The following PID1 variants were observed in gnomAD, a reference collection of about 807,000 sequenced individuals.
PID1 encodes the protein phosphotyrosine interaction domain containing 1, also known as PTB-containing, cubilin and LRP1-interacting protein.
PID1 carries 10 observed loss-of-function variants against 19.1 expected under a neutral mutation model. The ratio of observed to expected loss-of-function variants is 0.52; its 90% CI spans 0.32 to 0.89. The LOEUF (loss-of-function observed/expected upper bound fraction) is 0.89, where lower values mean the gene tolerates loss of function less well. Ranked by LOEUF, PID1 falls within the 40% of genes least tolerant of loss-of-function variation. PID1 has a pLI of 0.03. For synonymous variants in PID1, 130 were observed against 116.0 expected (o/e 1.12, Z -0.78); for missense variants, 248 against 285.3 (o/e 0.87, Z 0.94).
chr2:229,027,809 G>A (rs1205206968), intron 2 of PID1, among the ~76,000 whole-genome samples: 3 of 152,320 alleles, frequency 2.0e-5, no homozygotes, highest in South Asian at 4.1e-4. Context: ...AGCAGAAGCC[G>A]TGTAAGAGGT....
intron 1 of PID1, among the ~76,000 whole-genome samples, chr2:229,224,029 T>A (rs774420651): frequency 6.6e-6 from 1 of 152,186 alleles, no homozygotes; most frequent in Non-Finnish European, 1.5e-5. Context: ...TGATAACATG[T>A]GGTATTTGAT....
chr2:229,225,342 C>T (rs1692055129), intron 1 of PID1, among the ~76,000 whole-genome samples: 1 of 152,120 alleles, frequency 6.6e-6, no homozygotes, highest in Non-Finnish European at 1.5e-5. Context: ...GGGTTATTCT[C>T]CTTGACCCTC....
chr2:229,196,529 T>C (rs920226689), intron 1 of PID1, among the ~76,000 whole-genome samples: 4 of 152,018 alleles, frequency 2.6e-5, no homozygotes, highest in South Asian at 2.1e-4. Context: ...CAAAATAAGA[T>C]GATAAAAATG....
At chr2:229,190,601 G>A (rs1401094465) in intron 1 of PID1, among the ~76,000 whole-genome samples, 1 of 152,246 alleles carries the variant, frequency 6.6e-6, no homozygotes, top group Non-Finnish European at 1.5e-5. Flanking sequence ...CTGTTGAGAG[G>A]CAGGAGAAAG....
intron 2 of PID1, among the ~76,000 whole-genome samples, chr2:229,045,587 A>G (rs1270450291): frequency 6.6e-6 from 1 of 152,238 alleles, no homozygotes; most frequent in East Asian, 1.9e-4. Flanking sequence ...TTTACTTGGG[A>G]AGTGCTTTGC....
chr2:229,215,215 T>G (rs1223484273), intron 1 of PID1, among the ~76,000 whole-genome samples: 1 of 152,212 alleles, frequency 6.6e-6, no homozygotes, highest in Non-Finnish European at 1.5e-5. Context: ...CTCTAACTAT[T>G]GTTATATTTT....
chr2:229,243,300 G>A (rs888278593), intron 1 of PID1, among the ~76,000 whole-genome samples: 1 of 152,100 alleles, frequency 6.6e-6, no homozygotes, highest in Non-Finnish European at 1.5e-5. Flanking sequence ...CCACACATGG[G>A]AATTGTGGGA....
chr2:229,053,419 T>C (rs768302061), intron 2 of PID1, among the ~76,000 whole-genome samples: 4 of 152,348 alleles, frequency 2.6e-5, no homozygotes, highest in Admixed American at 2.0e-4. Context: ...AGAACTGTTA[T>C]AGGCATGTGG....
At chr2:229,204,454 A>G (rs778268431) in intron 1 of PID1, among the ~76,000 whole-genome samples, 26 of 152,158 alleles carry the variant, frequency 1.7e-4, no homozygotes, top group Non-Finnish European at 3.5e-4. Context: ...TTGAAGAATC[A>G]GATAAAACCC....
At chr2:229,201,025 C>A (rs1156631191) in intron 1 of PID1, among the ~76,000 whole-genome samples, 2 of 152,008 alleles carry the variant, frequency 1.3e-5, no homozygotes. Context: ...GAAAATACCA[C>A]CATGTTCAAA....
chr2:229,259,894 G>A (rs1462383660), intron 1 of PID1, among the ~76,000 whole-genome samples: 4 of 152,064 alleles, frequency 2.6e-5, no homozygotes, highest in South Asian at 4.2e-4. Context: ...CAGCGTGAAG[G>A]CACCATTTCT....
intron 1 of PID1, among the ~76,000 whole-genome samples, chr2:229,251,005 C>T (rs1690136408): frequency 6.6e-6 from 1 of 152,160 alleles, no homozygotes; most frequent in East Asian, 1.9e-4. Flanking sequence ...CGAGGAGAAG[C>T]ACTGTGACAA....
chr2:229,074,331 GATA>G lies in PID1; in HGVS notation c.178-48226_178-48224del, dbSNP rs554830172. On this transcript the variant is annotated intron_variant, in intron 2 of 2. Coordinates refer to ENST00000392055, the MANE Select transcript of PID1 (RefSeq NM_001100818.2). ...GAAATTAACATTACTTAAAAAAAAAGATAATAATAAAAGAAGGATGCAGCCGCA... is the reference window on the plus strand; with the variant it reads ...GAAATTAACATTACTTAAAAAAAAAGATAATAAAAGAAGGATGCAGCCGCA... Among the ~76,000 whole-genome samples the G allele has an allele frequency of 3.4e-3, 510 of 151,888 alleles. 2 individuals are homozygous for G. The highest frequency in any genetic ancestry group is 6.8e-3 in the Middle Eastern group (2 of 294).
intron 2 of PID1, among the ~76,000 whole-genome samples, chr2:229,113,797 T>C (rs1177577547): frequency 6.6e-6 from 1 of 152,100 alleles, no homozygotes; most frequent in African/African-American, 2.4e-5. Flanking sequence ...CGGAAGGTGA[T>C]GGTTAGTTTT....
At chr2:229,154,018 C>T (rs1690313674) in intron 2 of PID1, among the ~76,000 whole-genome samples, 2 of 152,114 alleles carry the variant, frequency 1.3e-5, no homozygotes, top group Admixed American at 1.3e-4. Flanking sequence ...TCCCTTGTAT[C>T]ATCAATTCAC....
intron 2 of PID1, among the ~76,000 whole-genome samples, chr2:229,078,294 T>C (rs1694603655): frequency 1.3e-5 from 2 of 152,340 alleles, no homozygotes; most frequent in African/African-American, 4.8e-5. Flanking sequence ...AAGGGGCTTT[T>C]TGGCTGACAC....
chr2:229,237,190 C>T (rs1366353087), intron 1 of PID1, among the ~76,000 whole-genome samples: 4 of 152,182 alleles, frequency 2.6e-5, no homozygotes, highest in South Asian at 2.1e-4. Context: ...CAGAGAATAA[C>T]AATAGAAACC....
intron 1 of PID1, among the ~76,000 whole-genome samples, chr2:229,171,743 T>G (rs968555781): frequency 6.6e-6 from 1 of 152,170 alleles, no homozygotes; most frequent in African/African-American, 2.4e-5. Flanking sequence ...AAAATATCAT[T>G]GGAATTTAAA....
At chr2:229,115,214 A>T (rs1345758104) in intron 2 of PID1, among the ~76,000 whole-genome samples, 3 of 152,078 alleles carry the variant, frequency 2.0e-5, no homozygotes, top group Admixed American at 1.3e-4. Flanking sequence ...TAATAATTAA[A>T]GAAGGCTCTG....
Sources: gnomAD v4.1 joint callset for allele counts (sites outside exome capture counted in the v4.1 genomes callset) on GRCh38, gnomAD v4.1.1 for gene constraint, MANE v1.5 for transcripts, NCBI Gene and HGNC (gene_info 2026-07-23, HGNC 2026-07-21) for gene names.